Variants in TMC1 observed in about 807,000 individuals in gnomAD.
TMC1 encodes transmembrane channel-like protein 1.
In TMC1, 84 loss-of-function variants were observed where a neutral mutation model predicts 105.8. The observed-to-expected ratio is 0.79, with a 90% CI of 0.67 to 0.95. The LOEUF (loss-of-function observed/expected upper bound fraction) is 0.95. Among genes scored for constraint, TMC1 ranks in the 40% least tolerant of loss-of-function variants. The pLI, the probability that TMC1 is intolerant of heterozygous loss-of-function variation, is 0.00. For missense variants in TMC1, 817 were observed against 914.1 expected (o/e 0.89, Z 1.37); for synonymous variants, 315 against 311.5 (o/e 1.01, Z -0.12).
At chr9:72,554,545 C>A (rs1436489718) in intron 1 of TMC1, among the ~76,000 whole-genome samples, 2 of 152,120 alleles carry the variant, frequency 1.3e-5, no homozygotes, top group African/African-American at 4.8e-5. Context: ...TGGTTTCTAG[C>A]TTGACCTTTG....
intron 8 of TMC1, among the ~76,000 whole-genome samples, chr9:72,732,877 T>A (rs927807002): frequency 1.3e-5 from 2 of 152,210 alleles, no homozygotes; most frequent in Non-Finnish European, 2.9e-5. Context: ...AGTGAGATGA[T>A]GGACACGAAT....
chr9:72,803,551 C>T (rs751628046), intron 17 of TMC1, among the ~76,000 whole-genome samples: 5 of 152,098 alleles, frequency 3.3e-5, no homozygotes, highest in Non-Finnish European at 5.9e-5. Flanking sequence ...AAACATACAA[C>T]CCCATTAAAA....
intron 5 of TMC1, among the ~76,000 whole-genome samples, chr9:72,649,510 A>G (rs906070680): frequency 1.3e-5 from 2 of 152,212 alleles, no homozygotes; most frequent in Non-Finnish European, 2.9e-5. Flanking sequence ...TAGTAAAGCC[A>G]TCCAGCTTCA....
intron 13 of TMC1, among the ~76,000 whole-genome samples, chr9:72,787,516 A>G (rs1389492082): frequency 6.6e-6 from 1 of 152,106 alleles, no homozygotes; most frequent in Non-Finnish European, 1.5e-5. Context: ...AATTTGTGTC[A>G]TATGAAATTT....
intron 11 of TMC1, among the ~76,000 whole-genome samples, chr9:72,752,632 T>C (rs1324219017): frequency 6.6e-6 from 1 of 152,120 alleles, no homozygotes; most frequent in Non-Finnish European, 1.5e-5. Context: ...GAGCCTTCAC[T>C]CATATGAAGT....
chr9:72,580,557 A>T (rs1288548611), intron 2 of TMC1, among the ~76,000 whole-genome samples: 1 of 150,102 alleles, frequency 6.7e-6, no homozygotes, highest in Non-Finnish European at 1.5e-5. Flanking sequence ...ACAGTGAAGC[A>T]GTGTGTGTGT....
At chr9:72,638,450 C>T (rs376621015) in intron 4 of TMC1, among the ~76,000 whole-genome samples, 4 of 152,202 alleles carry the variant, frequency 2.6e-5, no homozygotes, top group South Asian at 4.2e-4. Context: ...TCGCAGTGTC[C>T]ACTGCTGTTG....
chr9:72,728,459 G>C (rs1014220040), intron 8 of TMC1, among the ~76,000 whole-genome samples: 20 of 152,120 alleles, frequency 1.3e-4, no homozygotes, highest in African/African-American at 4.8e-4. Flanking sequence ...TTAGGCAAAG[G>C]GGGAGAGCAG....
At chr9:72,635,891 C>T (rs1177367665) in intron 4 of TMC1, among the ~76,000 whole-genome samples, 1 of 152,186 alleles carries the variant, frequency 6.6e-6, no homozygotes, top group Non-Finnish European at 1.5e-5. Flanking sequence ...ATAAATTCAT[C>T]ACCTAAGGAT....
At chr9:72,546,881 T>C (rs749878608) in intron 1 of TMC1, among the ~76,000 whole-genome samples, 1 of 152,236 alleles carries the variant, frequency 6.6e-6, no homozygotes, top group East Asian at 1.9e-4. Flanking sequence ...ACTCATTTCT[T>C]AAACTTTACT....
At chr9:72,665,682 C>T (rs940427464) in intron 5 of TMC1, among the ~76,000 whole-genome samples, 5 of 152,198 alleles carry the variant, frequency 3.3e-5, no homozygotes, top group Non-Finnish European at 2.9e-5. Context: ...CTGAATGTTA[C>T]GTCTGGCATC....
At chr9:72,695,329 A>G (rs1301444255) in intron 7 of TMC1, among the ~76,000 whole-genome samples, 1 of 152,190 alleles carries the variant, frequency 6.6e-6, no homozygotes, top group African/African-American at 2.4e-5. Flanking sequence ...ATTTTAGTAA[A>G]CGCTGACTTT....
chr9:72,688,613 A>T, intron 5 of TMC1, 96 bp from the exon 6 acceptor site: 1 of 1,221,954 alleles, frequency 8.2e-7, no homozygotes, highest in Non-Finnish European at 1.2e-6. Flanking sequence ...TTAACTGCAC[A>T]AAAACATTAT....
At chr9:72,692,618 A>T (rs2132187637) in intron 6 of TMC1, among the ~76,000 whole-genome samples, 1 of 152,308 alleles carries the variant, frequency 6.6e-6, no homozygotes, top group South Asian at 2.1e-4. Flanking sequence ...TTTGTGAGTT[A>T]TTAGTGGGTA....
chr9:72,743,384 A>AAAAAAAT (rs1827428826), intron 10 of TMC1, among the ~76,000 whole-genome samples: 1 of 150,316 alleles, frequency 6.7e-6, no homozygotes. Context: ...AAAAAAAATA[A>AAAAAAAT]AAAAAATAAA....
chr9:72,802,053 A>C (rs1828481846), intron 17 of TMC1, among the ~76,000 whole-genome samples: 1 of 152,040 alleles, frequency 6.6e-6, no homozygotes, highest in Admixed American at 6.6e-5. Context: ...AATATCCCTC[A>C]TAGCCTTCCT....
intron 1 of TMC1, among the ~76,000 whole-genome samples, chr9:72,538,110 T>C (rs145154281): frequency 1.3e-5 from 2 of 150,828 alleles, no homozygotes; most frequent in African/African-American, 4.9e-5. Context: ...GAGCTGAGAT[T>C]GCACCATTGC....
chr9:72,712,677 TG>T (rs1156262059), intron 8 of TMC1, among the ~76,000 whole-genome samples: 1 of 152,148 alleles, frequency 6.6e-6, no homozygotes, highest in Non-Finnish European at 1.5e-5. Context: ...GCTGAGACAA[TG>T]GGGTTTTCTA....
chr9:72,772,967 T>TA (rs1188170136), intron 13 of TMC1, among the ~76,000 whole-genome samples: 3 of 152,112 alleles, frequency 2.0e-5, no homozygotes, highest in Admixed American at 6.5e-5. Flanking sequence ...GCTCATTTTT[T>TA]AAAAAAACCA....
Sources: gnomAD v4.1 joint callset for allele counts (sites outside exome capture counted in the v4.1 genomes callset) on GRCh38, gnomAD v4.1.1 for gene constraint, MANE v1.5 for transcripts, NCBI Gene and HGNC (gene_info 2026-07-23, HGNC 2026-07-21) for gene names.